Variants in MACF1 observed in about 807,000 individuals in gnomAD.
MACF1 encodes the protein microtubule actin crosslinking factor 1.
A neutral mutation model predicts 854.8 loss-of-function variants in MACF1; 193 were observed. The ratio of observed to expected loss-of-function variants is 0.23; its 90% CI spans 0.20 to 0.25. The LOEUF (loss-of-function observed/expected upper bound fraction) is 0.25, where lower values mean the gene tolerates loss of function less well. Among genes scored for constraint, MACF1 ranks in the 10% least tolerant of loss-of-function variants. MACF1 has a pLI of 1.00. For missense variants in MACF1, 7,722 were observed against 8,929.1 expected (o/e 0.86, Z 5.45); for synonymous variants, 3,185 against 3,226.7 (o/e 0.99, Z 0.44).
In MACF1 at chr1:39,422,810, C is replaced by G. The variant is rs2148637691; in HGVS notation, c.16059C>G (p.Ser5353Arg). The G allele has an allele frequency of 6.2e-7, 1 of 1,614,190 alleles. No individual in the cohort carries two copies. Among genetic ancestry groups the G allele is most frequent in the Middle Eastern group, 1.6e-4 (1 of 6,062 alleles). Residue 5353 changes from serine to arginine, a missense_variant, in exon 60 of 101, where the codon AGC (serine) becomes AGG (arginine). Transcript: ENST00000564288. ...AAGATGCCTTGGAGCCATTGCTCAG[C>G]TGGTTGGCAGATACCGAGGAGCTCA... Reference protein sequence around the residue: ...KFQDALEPLLSWLADTEELIA... With the variant: ...KFQDALEPLLRWLADTEELIA...
At chr1:39,114,330 CT>C (rs1031391243) in intron 2 of MACF1, among the ~76,000 whole-genome samples, 1 of 152,084 alleles carries the variant, frequency 6.6e-6, no homozygotes, top group Admixed American at 6.6e-5. Flanking sequence ...GTCCATGACT[CT>C]AAAAATAACA....
intron 49 of MACF1, among the ~76,000 whole-genome samples, chr1:39,363,199 T>C (rs1011010434): frequency 2.6e-5 from 4 of 152,218 alleles, no homozygotes; most frequent in Non-Finnish European, 5.9e-5. Context: ...ACTTTATTTT[T>C]CTACCTTTGT....
chr1:39,483,906 C>T (rs1645059735), intron 99 of MACF1, among the ~76,000 whole-genome samples: 1 of 152,194 alleles, frequency 6.6e-6, no homozygotes. Flanking sequence ...AATCCTAGCA[C>T]TTTGGGAGGC....
chr1:39,310,393 C>T lies in MACF1; in HGVS notation c.3065C>T (p.Ala1022Val), dbSNP rs1296067538. The T allele has an allele frequency of 6.2e-7, 1 of 1,614,090 alleles. No homozygotes were observed. Among genetic ancestry groups the T allele is most frequent in the South Asian group, 1.1e-5 (1 of 91,072 alleles). ...GAAGAGGAGGTGGAAGCTTGTAAAGCCCGCTTCCAGCACCTGATGAAGTCC... is the reference window on the plus strand; with the variant it reads ...GAAGAGGAGGTGGAAGCTTGTAAAGTCCGCTTCCAGCACCTGATGAAGTCC... ...RLEEEVEACKARFQHLMKSME... is the reference protein window; with the variant it reads ...RLEEEVEACKVRFQHLMKSME... Residue 1022 changes from alanine to valine, a missense_variant, in exon 25 of 101, where the codon GCC becomes GTC. Transcript: ENST00000564288.
chr1:39,087,004 G>C (rs1165357150), intron 2 of MACF1, among the ~76,000 whole-genome samples: 1 of 152,204 alleles, frequency 6.6e-6, no homozygotes, highest in African/African-American at 2.4e-5. Context: ...GACGAGGCGG[G>C]ACTGCGACTT....
At chr1:39,163,312 G>A (rs1396409219) in intron 2 of MACF1, among the ~76,000 whole-genome samples, 1 of 122,330 alleles carries the variant, frequency 8.2e-6, no homozygotes, top group Non-Finnish European at 1.6e-5. Context: ...GATCATAGGT[G>A]AGCCTGGGTG....
At chr1:39,198,317 T>C (rs1289356734) in intron 2 of MACF1, among the ~76,000 whole-genome samples, 2 of 151,804 alleles carry the variant, frequency 1.3e-5, no homozygotes, top group Non-Finnish European at 2.9e-5. Flanking sequence ...GAGACCAGCC[T>C]GGCCAACATG....
At chr1:39,284,953 C>T (rs890796752) in intron 11 of MACF1, 130 bp from the exon 12 acceptor site, 2 of 1,256,862 alleles carry the variant, frequency 1.6e-6, no homozygotes, top group Middle Eastern at 2.2e-4. Context: ...GATTGTTTTT[C>T]CATGTTAGAC....
intron 2 of MACF1, among the ~76,000 whole-genome samples, chr1:39,171,802 A>G (rs1259054498): frequency 1.3e-5 from 2 of 151,664 alleles, no homozygotes; most frequent in African/African-American, 4.8e-5. Context: ...ATTTTTTTGT[A>G]TTTTTAGTAG....
At chr1:39,131,340 A>ATT (rs754371197) in intron 2 of MACF1, among the ~76,000 whole-genome samples, 4 of 128,954 alleles carry the variant, frequency 3.1e-5, no homozygotes, top group Non-Finnish European at 5.0e-5. Flanking sequence ...CAGTTTTATT[A>ATT]TTTTTTTTTT....
chr1:39,335,119 T>C lies in MACF1; in HGVS notation c.8531T>C (p.Leu2844Ser), dbSNP rs1287098998. The C allele has an allele frequency of 1.2e-6, 2 of 1,614,108 alleles. No individual in the cohort carries two copies. The highest frequency in any genetic ancestry group is 1.7e-6 in the Non-Finnish European group (2 of 1,179,990). ...EQAKKSREIS[L>S]KEFGCKDQRK... Reference sequence around the variant, plus strand: ...GCAAAAAAGAGCAGGGAAATTTCCTTAAAGGAATTTGGGTGCAAGGATCAA... The same window carrying C: ...GCAAAAAAGAGCAGGGAAATTTCCTCAAAGGAATTTGGGTGCAAGGATCAA... Residue 2844 changes from leucine to serine, a missense_variant, in exon 37 of 101, where the codon TTA becomes TCA. Coordinates refer to ENST00000564288, the MANE Select transcript of MACF1 (RefSeq NM_001394062.1).
intron 48 of MACF1, 123 bp downstream of exon 48, chr1:39,361,124 A>G: frequency 1.1e-6 from 1 of 881,226 alleles, no homozygotes; most frequent in South Asian, 1.7e-5. Flanking sequence ...AGATTTAGAA[A>G]TGATAACTAA....
chr1:39,254,860 G>C (rs1645080362), intron 5 of MACF1, among the ~76,000 whole-genome samples: 1 of 152,094 alleles, frequency 6.6e-6, no homozygotes, highest in South Asian at 2.1e-4. Flanking sequence ...AAGATATTTA[G>C]AGTATAGTAG....
chr1:39,434,404 G>A lies in MACF1; in HGVS notation c.17566-10G>A. 2 of 523,192 alleles carry A rather than the reference G, an allele frequency of 3.8e-6. No homozygotes were observed. Among genetic ancestry groups the A allele is most frequent in the Non-Finnish European group, 2.6e-6 (1 of 383,172 alleles). The allele number at this position is 523,192 out of a possible 1,614,324, so 32.4% of individuals were successfully genotyped here. On this transcript the variant is annotated splice_polypyrimidine_tract_variant and intron_variant, in intron 68 of 100. Transcript: ENST00000564288. Reference sequence around the variant, plus strand: ...ACTTATCCTTTTTTTTTTTTTTTTTGCTCACATAGGAAAAGACAGAGTCTC... The same window carrying A: ...ACTTATCCTTTTTTTTTTTTTTTTTACTCACATAGGAAAAGACAGAGTCTC...
At chr1:39,232,859 T>A (rs1644799922) in intron 2 of MACF1, among the ~76,000 whole-genome samples, 1 of 151,714 alleles carries the variant, frequency 6.6e-6, no homozygotes, top group Non-Finnish European at 1.5e-5. Context: ...CACAGCTCAC[T>A]GCAGCCCTAA....
intron 26 of MACF1, among the ~76,000 whole-genome samples, chr1:39,311,795 C>G (rs1646305960): frequency 6.6e-6 from 1 of 152,166 alleles, no homozygotes; most frequent in Non-Finnish European, 1.5e-5. Flanking sequence ...TAGAGTGTTT[C>G]TAGAACATTT....
chr1:39,324,357 G>A lies in MACF1; in HGVS notation c.4389+12G>A, dbSNP rs1361417508. ...TTTTGGAACAGCAGGTGAGAAGAAG[G>A]TCCATCTCTGTTTACCTGGGTAGAA... On this transcript the variant is annotated intron_variant, in intron 34 of 100. Coordinates refer to ENST00000564288, the MANE Select transcript of MACF1 (RefSeq NM_001394062.1). 2 of 1,612,720 alleles carry A rather than the reference G, an allele frequency of 1.2e-6. No homozygotes were observed. The highest frequency in any genetic ancestry group is 1.3e-5 in the African/African-American group (1 of 74,902).
In MACF1 at chr1:39,284,231, G is replaced by A. The variant is rs747550637; in HGVS notation, c.1035+46G>A. 3 of 1,602,474 alleles carry A rather than the reference G, an allele frequency of 1.9e-6. No individual in the cohort carries two copies. In the African/African-American group the frequency reaches 4.0e-5, roughly 22 times the overall value. On this transcript the variant is annotated intron_variant, in intron 10 of 100. Transcript: ENST00000564288. Reference sequence around the variant, plus strand: ...TTTTTTGGTAAAATCTTTCTAGGGAGTAAGTCTCCAAGCTTATCACTGCTG... The same window carrying A: ...TTTTTTGGTAAAATCTTTCTAGGGAATAAGTCTCCAAGCTTATCACTGCTG...
chr1:39,132,861 A>G (rs1441107749), intron 2 of MACF1, among the ~76,000 whole-genome samples: 1 of 152,134 alleles, frequency 6.6e-6, no homozygotes, highest in African/African-American at 2.4e-5. Context: ...CCCATGGGAG[A>G]GACACAGGCT....
Sources: gnomAD v4.1 joint callset for allele counts (sites outside exome capture counted in the v4.1 genomes callset) on GRCh38, gnomAD v4.1.1 for gene constraint, MANE v1.5 for transcripts, NCBI Gene and HGNC (gene_info 2026-07-23, HGNC 2026-07-21) for gene names.